The following KCNQ5 variants were observed in gnomAD, a reference collection of about 807,000 sequenced individuals.
KCNQ5 encodes potassium voltage-gated channel subfamily KQT member 5.
Under a neutral mutation model 98.2 loss-of-function variants are expected in KCNQ5, and 30 were observed. The ratio of observed to expected loss-of-function variants is 0.31; its 90% confidence interval spans 0.23 to 0.41. The LOEUF is 0.41. Among genes scored for constraint, KCNQ5 ranks in the 10% least tolerant of loss-of-function variants. The probability of loss-of-function intolerance (pLI) is 1.00; values close to 1 mark genes in which losing one functional copy is unlikely to be tolerated. For synonymous variants in KCNQ5, 458 were observed against 449.4 expected, an observed-to-expected ratio of 1.02 and a Z score of -0.24; for missense variants, 835 against 1,182.5, an observed-to-expected ratio of 0.71 and a Z score of 4.31.
chr6:72,722,113 GA>G (rs1769986928), intron 1 of KCNQ5, among the ~76,000 whole-genome samples: 1 of 152,060 alleles, frequency 6.6e-6, no homozygotes, highest in Non-Finnish European at 1.5e-5. Flanking sequence ...TAAGGAAGTT[GA>G]AAAAGGAAGG....
At chr6:72,724,063 C>T (rs1283701771) in intron 1 of KCNQ5, among the ~76,000 whole-genome samples, 1 of 151,906 alleles carries the variant, frequency 6.6e-6, no homozygotes, top group Non-Finnish European at 1.5e-5. Context: ...TCTGTTATCT[C>T]TATAGATGTT....
At chr6:72,650,378 A>C (rs1765815192) in intron 1 of KCNQ5, among the ~76,000 whole-genome samples, 1 of 152,168 alleles carries the variant, frequency 6.6e-6, no homozygotes, top group East Asian at 1.9e-4. Flanking sequence ...AACGGAAAGA[A>C]AACTATTTCA....
intron 1 of KCNQ5, among the ~76,000 whole-genome samples, chr6:72,799,954 A>T (rs1238106386): frequency 6.6e-6 from 1 of 152,196 alleles, no homozygotes; most frequent in Non-Finnish European, 1.5e-5. Context: ...AATTTTATTT[A>T]TTATATCATA....
At chr6:72,623,606 T>G (rs1420039419) in intron 1 of KCNQ5, among the ~76,000 whole-genome samples, 1 of 152,202 alleles carries the variant, frequency 6.6e-6, no homozygotes, top group Non-Finnish European at 1.5e-5. Flanking sequence ...CATTTTAAGG[T>G]TGTTTTTATA....
chr6:73,037,913 A>C (rs1771512620), intron 2 of KCNQ5, among the ~76,000 whole-genome samples: 1 of 152,104 alleles, frequency 6.6e-6, no homozygotes, highest in South Asian at 2.1e-4. Flanking sequence ...CCCAAAAAAA[A>C]CTTTGCTGAG....
intron 1 of KCNQ5, among the ~76,000 whole-genome samples, chr6:72,687,049 C>T (rs6915647): frequency 0.51 from 77,717 of 151,950 alleles, 23,088 homozygotes; most frequent in African/African-American, 0.82. Flanking sequence ...CAGTTCTTAA[C>T]TTATCAGTTA....
intron 3 of KCNQ5, among the ~76,000 whole-genome samples, chr6:73,043,812 A>T (rs1011516015): frequency 2.0e-5 from 3 of 152,222 alleles, no homozygotes; most frequent in South Asian, 2.1e-4. Flanking sequence ...TTTTTCCCAG[A>T]TGTCTGCTGC....
chr6:72,748,635 A>G (rs1771524282), intron 1 of KCNQ5, among the ~76,000 whole-genome samples: 1 of 152,150 alleles, frequency 6.6e-6, no homozygotes, highest in Non-Finnish European at 1.5e-5. Flanking sequence ...GGCCCATGCT[A>G]AGAAAAATGC....
At chr6:72,698,025 G>C (rs940746067) in intron 1 of KCNQ5, among the ~76,000 whole-genome samples, 15 of 152,022 alleles carry the variant, frequency 9.9e-5, no homozygotes, top group Non-Finnish European at 2.2e-4. Context: ...ATACCAGCCT[G>C]GGCAGCATAG....
intron 1 of KCNQ5, among the ~76,000 whole-genome samples, chr6:72,710,278 T>A (rs1271037234): frequency 6.6e-6 from 1 of 152,164 alleles, no homozygotes; most frequent in Non-Finnish European, 1.5e-5. Context: ...AATGTAGCAA[T>A]CAGAAATCAA....
intron 1 of KCNQ5, among the ~76,000 whole-genome samples, chr6:72,827,077 AG>A (rs1408736620): frequency 6.6e-6 from 1 of 152,154 alleles, no homozygotes; most frequent in Non-Finnish European, 1.5e-5. Context: ...ATGGCTGAAT[AG>A]TATTCCATTG....
intron 1 of KCNQ5, among the ~76,000 whole-genome samples, chr6:72,774,539 G>C (rs1029977362): frequency 6.6e-6 from 1 of 151,702 alleles, no homozygotes; most frequent in Admixed American, 6.6e-5. Context: ...TTATGAAAAG[G>C]CAATCCACAC....
At chr6:72,994,670 A>G (rs1330327011) in intron 1 of KCNQ5, among the ~76,000 whole-genome samples, 1 of 152,108 alleles carries the variant, frequency 6.6e-6, no homozygotes, top group Non-Finnish European at 1.5e-5. Context: ...CTATTCGGCC[A>G]TCTTGGCTCC....
At chr6:72,767,324 C>A (rs1324363030) in intron 1 of KCNQ5, among the ~76,000 whole-genome samples, 1 of 151,878 alleles carries the variant, frequency 6.6e-6, no homozygotes, top group Non-Finnish European at 1.5e-5. Flanking sequence ...TCACATTATA[C>A]ACAAAAATTA....
At chr6:73,193,511 T>TAAAATAAAATAAAATAA (rs1765676977) in intron 13 of KCNQ5, among the ~76,000 whole-genome samples, 1 of 120,176 alleles carries the variant, frequency 8.3e-6, no homozygotes, top group African/African-American at 3.3e-5. Flanking sequence ...AAATAAAATA[T>TAAAATAAAATAAAATAA]AAAATAAATA....
chr6:72,838,855 C>CAGG (rs1776643820), intron 1 of KCNQ5, among the ~76,000 whole-genome samples: 1 of 143,528 alleles, frequency 7.0e-6, no homozygotes, highest in Non-Finnish European at 1.5e-5. Context: ...GAGGCTGAGG[C>CAGG]AGGAGAATGG....
At chr6:72,679,807 G>A (rs1217313311) in intron 1 of KCNQ5, among the ~76,000 whole-genome samples, 2 of 152,214 alleles carry the variant, frequency 1.3e-5, no homozygotes, top group Non-Finnish European at 2.9e-5. Flanking sequence ...GGAGGCTGAG[G>A]TGGGCAGATC....
At chr6:73,086,178 C>A (rs907346186) in intron 5 of KCNQ5, among the ~76,000 whole-genome samples, 3 of 152,124 alleles carry the variant, frequency 2.0e-5, no homozygotes, top group Admixed American at 2.0e-4. Flanking sequence ...TTCCAACCAG[C>A]AGACCTCTTA....
chr6:72,840,754 C>T (rs16882934), intron 1 of KCNQ5, among the ~76,000 whole-genome samples: 1 of 152,118 alleles, frequency 6.6e-6, no homozygotes, highest in Non-Finnish European at 1.5e-5. Context: ...GCCAGAAACA[C>T]CTTGCAATAA....
Sources: gnomAD v4.1 joint callset for allele counts (sites outside exome capture counted in the v4.1 genomes callset) on GRCh38, gnomAD v4.1.1 for gene constraint, MANE v1.5 for transcripts, NCBI Gene and HGNC (gene_info 2026-07-23, HGNC 2026-07-21) for gene names.